COL5A3: variants seen among roughly 807,000 people sequenced by gnomAD.
COL5A3 encodes collagen alpha-3(V) chain.
COL5A3 carries 172 observed loss-of-function variants against 250.0 expected under a neutral mutation model. The ratio of observed to expected loss-of-function variants is 0.69; its 90% CI spans 0.61 to 0.78. The LOEUF (loss-of-function observed/expected upper bound fraction) is 0.78. Ranked by LOEUF, COL5A3 falls within the 30% of genes least tolerant of loss-of-function variation. COL5A3 has a pLI of 0.00. For synonymous variants in COL5A3, 937 were observed against 900.4 expected (o/e 1.04, Z -0.73); for missense variants, 2,340 against 2,334.4 (o/e 1.00, Z -0.05).
At position 9,980,788 on chromosome 19, in the gene COL5A3, T is replaced by A. The variant is rs376122682; in HGVS notation, c.2559+18A>T. 15 of 1,613,062 alleles carry A rather than the reference T, an allele frequency of 9.3e-6. No homozygotes were observed. Among genetic ancestry groups the A allele is most frequent in the Middle Eastern group, 3.3e-4 (2 of 6,084 alleles). On this transcript the variant is annotated intron_variant, in intron 34 of 66. Transcript: ENST00000264828. ...AGCCTGGGGCATGGGGGGCCTTGAT[T>A]GCCCACCCATCCCATACCTTGGGGC... is the stretch of plus-strand genomic sequence containing the variant.
rs753793234 is a variant in COL5A3 at position 10,005,898 on chromosome 19, T to C, written c.335A>G (p.Glu112Gly). 1 of 1,613,990 alleles carries C rather than the reference T, an allele frequency of 6.2e-7. No homozygotes were observed. Among genetic ancestry groups the C allele is most frequent in the Non-Finnish European group, 8.5e-7 (1 of 1,180,010 alleles). Reference sequence around the variant, plus strand: ...CAGGCCCAACTGCCGGGCACCCCTTTCATCATAAATGGACAGCAGGACAGA... The same window carrying C: ...CAGGCCCAACTGCCGGGCACCCCTTCCATCATAAATGGACAGCAGGACAGA... ...NQSVLLSIYDERGARQLGLAL... is the reference protein window; with the variant it reads ...NQSVLLSIYDGRGARQLGLAL... Residue 112 changes from glutamate to glycine, a missense_variant, in exon 3 of 67, where the codon GAA becomes GGA. By Grantham distance (98) the Glu-to-Gly change is moderately conservative. Coordinates refer to ENST00000264828, the MANE Select transcript of COL5A3 (RefSeq NM_015719.4).
chr19:9,993,084 T>C lies in COL5A3; in HGVS notation c.1750-17A>G. 6.2e-7 allele frequency: 1 copy of C among 1,613,562 alleles called. No homozygotes were observed. Among genetic ancestry groups the C allele is most frequent in the Non-Finnish European group, 8.5e-7 (1 of 1,179,692 alleles). On this transcript the variant is annotated splice_polypyrimidine_tract_variant and intron_variant, in intron 19 of 66. Transcript: ENST00000264828. Reference sequence around the variant, plus strand: ...CTCTGCTCCCTGTGGAAAAGCGTCATTACTTGGGAACAGGAAGGTACAACC... The same window carrying C: ...CTCTGCTCCCTGTGGAAAAGCGTCACTACTTGGGAACAGGAAGGTACAACC...
At position 9,977,616 on chromosome 19, in the gene COL5A3, G is replaced by C; in HGVS notation, c.3104C>G (p.Pro1035Arg). Reference protein sequence around the residue: ...GQSGSEGPVGPAGKKGSRGER... With the variant: ...GQSGSEGPVGRAGKKGSRGER... ...TACCCGGGACCCCTTCTTGCCTGCA[G>C]GGCCAACGGGGCCTTCGCTGCCACT... is the stretch of plus-strand genomic sequence containing the variant. Residue 1035 changes from proline to arginine, a missense_variant, in exon 42 of 67, where the codon CCT becomes CGT. Transcript: ENST00000264828. 6.2e-7 allele frequency: 1 copy of C among 1,601,502 alleles called. No individual in the cohort carries two copies. Among genetic ancestry groups the C allele is most frequent in the Admixed American group, 1.7e-5 (1 of 57,932 alleles).
chr19:9,999,286 G>A (rs1025426483), intron 8 of COL5A3, among the ~76,000 whole-genome samples: 5 of 150,676 alleles, frequency 3.3e-5, no homozygotes, highest in Non-Finnish European at 4.4e-5. Context: ...GATCTCCTCA[G>A]ACTCAGGTGA....
At chr19:9,997,699 T>C (rs948460223) in intron 10 of COL5A3, among the ~76,000 whole-genome samples, 2 of 152,170 alleles carry the variant, frequency 1.3e-5, no homozygotes, top group African/African-American at 4.8e-5. Context: ...ACTCCTAGGC[T>C]CAAGCAATCC....
At chr19:9,974,088 T>C (rs1176991944) in intron 47 of COL5A3, 83 bp downstream of exon 47, 1 of 1,529,450 alleles carries the variant, frequency 6.5e-7, no homozygotes. Context: ...AAAATGACAA[T>C]GTCCCTCAAA....
At chr19:9,997,343 A>G in intron 11 of COL5A3, 28 bp downstream of exon 11, 1 of 1,561,752 alleles carries the variant, frequency 6.4e-7, no homozygotes, top group Non-Finnish European at 8.8e-7. Context: ...TCCTCTGAGA[A>G]GTGTACACCC....
At position 9,968,680 on chromosome 19, in the gene COL5A3, C is replaced by T. The variant is rs762050563; in HGVS notation, c.4201G>A (p.Glu1401Lys). 8.7e-6 allele frequency: 14 copies of T among 1,606,770 alleles called. No individual in the cohort carries two copies. Among genetic ancestry groups the T allele is most frequent in the Non-Finnish European group, 1.1e-5 (13 of 1,177,376 alleles). Residue 1401 changes from glutamate (E) to lysine (K), a missense_variant, in exon 58 of 67, where the codon GAA becomes AAA. Physicochemically the swap from Glu to Lys is moderately conservative, Grantham distance 56. Coordinates refer to ENST00000264828, the MANE Select transcript of COL5A3 (RefSeq NM_015719.4). The surrounding 1 kb of genome is among the most constrained non-coding windows in gnomAD (Gnocchi z 4.1). ...TAATGGAATGATGTCCTTACCTTTT[C>T]CCCCTTGGGGCCAGTGTCTCCCTTC... is the stretch of plus-strand genomic sequence containing the variant. ...GLKGDTGPKG[E>K]KGHIGLIGLI...
At chr19:9,996,843 G>C in intron 11 of COL5A3, 154 bp from the exon 12 acceptor site, 1 of 602,162 alleles carries the variant, frequency 1.7e-6, no homozygotes, top group Non-Finnish European at 2.9e-6. Context: ...CAAGGAAAGA[G>C]AGAGAAGTAG....
At position 9,969,689 on chromosome 19, in the gene COL5A3, T is replaced by G; in HGVS notation, c.3991-7A>C. The G allele has an allele frequency of 1.3e-6, 2 of 1,587,100 alleles. No homozygotes were observed. The highest frequency in any genetic ancestry group is 1.7e-6 in the Non-Finnish European group (2 of 1,172,076). On this transcript the variant is annotated splice_region_variant and splice_polypyrimidine_tract_variant and intron_variant, in intron 55 of 66. Transcript: ENST00000264828. The stretch of plus-strand genomic sequence containing the variant: ...CATCAGGACCTGGCTCCCCCTGAAA[T>G]GGACACAGGCAAGGGAGGGGCCAGA...
rs771813241 is a variant in COL5A3 at position 9,993,623 on chromosome 19, T to C, written c.1691A>G (p.Gln564Arg). 2.5e-6 allele frequency: 4 copies of C among 1,614,086 alleles called. No homozygotes were observed. In the South Asian group the frequency reaches 4.4e-5, roughly 18 times the overall value. Reference sequence around the variant, plus strand: ...GGAGGGACCTCACACACTCACCCTTTGGCCCTTCTCACCAGGCAGCCCAGG... The same window carrying C: ...GGAGGGACCTCACACACTCACCCTTCGGCCCTTCTCACCAGGCAGCCCAGG... ...GLPGLPGEKG[Q>R]RGDFGHVGQP... The change falls in exon 18 of 67, where the codon CAA becomes CGA. Residue 564 changes from glutamine to arginine, a missense_variant. Gln to Arg is a conservative substitution (Grantham distance 43). This residue lies in a region of COL5A3 where 1,152 missense variants were observed against 1,146.3 expected (regional missense o/e 1.00). Transcript: ENST00000264828.
chr19:9,998,438 G>A (rs1253888528), intron 8 of COL5A3, among the ~76,000 whole-genome samples: 1 of 152,102 alleles, frequency 6.6e-6, no homozygotes, highest in Non-Finnish European at 1.5e-5. Context: ...AACTAAGTTG[G>A]GAAACTTAGT....
intron 64 of COL5A3, among the ~76,000 whole-genome samples, chr19:9,963,323 A>G (rs1328926045): frequency 1.3e-5 from 2 of 152,050 alleles, no homozygotes. Context: ...CCTGGGCTCA[A>G]GCAATCCTCC....
Position 10,006,245 on chromosome 19 carries a change from A to G in COL5A3, c.89-14T>C, listed in dbSNP as rs535522438. On this transcript the variant is annotated splice_polypyrimidine_tract_variant and intron_variant, in intron 1 of 66. Transcript: ENST00000264828. ...CATCCACAGGATCTGCAGCAGAGAGAAGCCGGGGGTGTCAGGCAGAGGTGG... is the reference window on the plus strand; with the variant it reads ...CATCCACAGGATCTGCAGCAGAGAGGAGCCGGGGGTGTCAGGCAGAGGTGG... 7 of 1,581,666 alleles carry G rather than the reference A, an allele frequency of 4.4e-6. No homozygotes were observed. The African/African-American group carries it at 8.0e-5, about 18-fold the overall frequency.
Position 9,960,510 on chromosome 19 carries a change from TC to T in COL5A3, c.5138del (p.Arg1713GlnfsTer128). On this transcript the variant is annotated frameshift_variant, in exon 67 of 67. Coordinates refer to ENST00000264828, the MANE Select transcript of COL5A3 (RefSeq NM_015719.4). LOFTEE classifies it low-confidence loss of function (END_TRUNC). ...TKTLFEFSSS[R>X]AGFLPLWDVA... Reference sequence around the variant, plus strand: ...CATCCCACAGGGGCAGAAATCCCGCTCGAGAAGAGCTGAATTCGAAAAGGGT... The same window carrying T: ...CATCCCACAGGGGCAGAAATCCCGCTGAGAAGAGCTGAATTCGAAAAGGGT... 1.2e-6 allele frequency: 2 copies of T among 1,614,136 alleles called. No homozygotes were observed. Among genetic ancestry groups the T allele is most frequent in the South Asian group, 2.2e-5 (2 of 91,086 alleles).
intron 32 of COL5A3, 40 bp downstream of exon 32, chr19:9,982,025 A>T (rs771074544): frequency 6.6e-7 from 1 of 1,512,746 alleles, no homozygotes; most frequent in South Asian, 1.1e-5. Flanking sequence ...TTCCCCTCAG[A>T]CAAGTTCTCC....
At chr19:9,994,246 C>T (rs2087238262) in intron 16 of COL5A3, among the ~76,000 whole-genome samples, 1 of 148,234 alleles carries the variant, frequency 6.7e-6, no homozygotes, top group African/African-American at 2.5e-5. Flanking sequence ...GTGGCATGAT[C>T]ATGGCTCAAT....
In COL5A3 at chr19:9,978,596, G is replaced by A. The variant is rs1169675851; in HGVS notation, c.2996C>T (p.Pro999Leu). 3.2e-6 allele frequency: 5 copies of A among 1,582,068 alleles called. No individual in the cohort carries two copies. Among genetic ancestry groups the A allele is most frequent in the Non-Finnish European group, 4.3e-6 (5 of 1,165,782 alleles). The change falls in exon 41 of 67, where the codon CCC becomes CTC. Residue 999 changes from proline (P) to leucine (L), a missense_variant. Around this residue, in one of 3 missense-constraint regions of COL5A3, gnomAD observed 1,179 missense variants for 1,162.6 expected, o/e 1.01. Transcript: ENST00000264828. ...GPTGLKGDKGPPGPVGANGSP... is the reference protein window; with the variant it reads ...GPTGLKGDKGLPGPVGANGSP... ...TACATTGGCCCCCACGGGCCCTGGG[G>A]GGCCCTTATCACCCTTTAAGCCAGT... is the stretch of plus-strand genomic sequence containing the variant.
intron 8 of COL5A3, among the ~76,000 whole-genome samples, chr19:10,000,315 G>C (rs1039767561): frequency 4.6e-5 from 7 of 151,998 alleles, no homozygotes; most frequent in African/African-American, 1.7e-4. Flanking sequence ...CCAAAATGGA[G>C]CATGTCCCAA....
Sources: gnomAD v4.1 joint callset for allele counts (sites outside exome capture counted in the v4.1 genomes callset) on GRCh38, gnomAD v4.1.1 for gene constraint, gnomAD v4.1.1 regional missense constraint, Gnocchi (gnomAD v3.1) non-coding constraint, MANE v1.5 for transcripts, NCBI Gene and HGNC (gene_info 2026-07-23, HGNC 2026-07-21) for gene names.